The following RYK variants were observed in gnomAD, a reference collection of about 807,000 sequenced individuals.
The protein encoded by RYK is receptor like tyrosine kinase, also known as inactive tyrosine-protein kinase RYK.
RYK carries 21 observed loss-of-function variants against 70.2 expected under a neutral mutation model. The observed-to-expected ratio is 0.30, with a 90% CI of 0.21 to 0.43. RYK has a LOEUF of 0.43. RYK is among the 20% of genes least tolerant of loss of function. The probability of loss-of-function intolerance (pLI) is 1.00; values close to 1 mark genes in which losing one functional copy is unlikely to be tolerated. For synonymous variants in RYK, 267 were observed against 278.0 expected (o/e 0.96, Z 0.39); for missense variants, 604 against 753.3 (o/e 0.80, Z 2.32).
intron 9 of RYK, 73 bp downstream of exon 9, chr3:134,188,764 G>T: frequency 1.1e-6 from 1 of 870,118 alleles, no homozygotes; most frequent in Non-Finnish European, 1.8e-6. Flanking sequence ...GGGAAACTGA[G>T]ACAGAATTTT....
intron 2 of RYK, among the ~76,000 whole-genome samples, chr3:134,213,044 T>A (rs549347668): frequency 6.6e-6 from 1 of 152,296 alleles, no homozygotes; most frequent in African/African-American, 2.4e-5. Context: ...GGCTAGGAAG[T>A]GTTCACATTC....
chr3:134,212,631 C>T (rs953441050), intron 2 of RYK, among the ~76,000 whole-genome samples: 5 of 152,032 alleles, frequency 3.3e-5, no homozygotes, highest in Non-Finnish European at 7.4e-5. Context: ...GGGGGTGTTC[C>T]AAAGCTTTTC....
Position 134,165,694 on chromosome 3 carries a change from C to T in RYK, c.1576-6321G>A, listed in dbSNP as rs536608093. On this transcript the variant is annotated intron_variant, in intron 13 of 14. Coordinates refer to ENST00000623711, the MANE Select transcript of RYK (RefSeq NM_002958.4). ...CCCAGTGGACCTGAAAAGCAGAGTA[C>T]GAAGCCAAAGGGAATTATTCTTGAG... 1.1e-4 allele frequency among the ~76,000 whole-genome samples: 17 copies of T among 152,252 alleles called. No homozygotes were observed. In the South Asian group the frequency reaches 2.1e-3, roughly 19 times the overall value.
intron 1 of RYK, among the ~76,000 whole-genome samples, chr3:134,244,492 C>T (rs2015402926): frequency 6.6e-6 from 1 of 152,118 alleles, no homozygotes; most frequent in South Asian, 2.1e-4. Flanking sequence ...ACCTGGCCTT[C>T]TACTCACTGT....
intron 13 of RYK, among the ~76,000 whole-genome samples, chr3:134,165,735 T>C (rs1467444434): frequency 6.6e-6 from 1 of 152,228 alleles, no homozygotes; most frequent in Non-Finnish European, 1.5e-5. Flanking sequence ...AGGTTTAATA[T>C]TGTTTGTTCG....
rs2014064700 is a variant in RYK at position 134,202,724 on chromosome 3, C to T, written c.788+6G>A. 1.2e-6 allele frequency: 2 copies of T among 1,610,454 alleles called. No homozygotes were observed. Among genetic ancestry groups the T allele is most frequent in the Non-Finnish European group, 1.7e-6 (2 of 1,179,170 alleles). ...TTTTTTTTCTTTCCCAAAATATGTA[C>T]AATACCTGTCATCCAGTTCAATCCT... On this transcript the variant is annotated splice_donor_region_variant and intron_variant, in intron 6 of 14. Coordinates refer to ENST00000623711, the MANE Select transcript of RYK (RefSeq NM_002958.4).
chr3:134,211,851 T>C (rs116383127), intron 2 of RYK, among the ~76,000 whole-genome samples: 5,923 of 152,282 alleles, frequency 0.039, 167 homozygotes, highest in East Asian at 0.13. Context: ...CCATAAAACC[T>C]GCCATCTAGG....
chr3:134,193,717 C>T (rs187514576), intron 7 of RYK, among the ~76,000 whole-genome samples: 143 of 152,198 alleles, frequency 9.4e-4, no homozygotes, highest in African/African-American at 3.2e-3. Flanking sequence ...ATTATTATTT[C>T]CCTTAAATTT....
chr3:134,222,396 C>G (rs761714884), intron 2 of RYK, 22 bp downstream of exon 2: 1 of 1,612,104 alleles, frequency 6.2e-7, no homozygotes, highest in Non-Finnish European at 8.5e-7. Flanking sequence ...GTCATGATGT[C>G]TGTGGTTAGC....
intron 1 of RYK, among the ~76,000 whole-genome samples, chr3:134,230,870 T>C (rs538899600): frequency 1.3e-5 from 2 of 152,312 alleles, no homozygotes; most frequent in South Asian, 2.1e-4. Context: ...GAATTAACAC[T>C]CAATGGTTTT....
At chr3:134,159,103 G>A (rs549100650) in intron 14 of RYK, 134 bp downstream of exon 14, 2 of 956,102 alleles carry the variant, frequency 2.1e-6, no homozygotes, top group Admixed American at 4.2e-5. Flanking sequence ...TTTTATAAGA[G>A]TCTAATTTAA....
intron 6 of RYK, among the ~76,000 whole-genome samples, chr3:134,201,574 T>C (rs1483646246): frequency 2.6e-5 from 4 of 152,094 alleles, no homozygotes; most frequent in Admixed American, 2.0e-4. Flanking sequence ...TTGGGAGGCT[T>C]AGAAAAGACT....
chr3:134,240,053 T>A lies in RYK; in HGVS notation c.232+10370A>T, dbSNP rs144273405. Among the ~76,000 whole-genome samples, 172 of 152,032 alleles carry A rather than the reference T, an allele frequency of 1.1e-3. 1 individual carries two copies. Among genetic ancestry groups the A allele is most frequent in the African/African-American group, 3.5e-3 (146 of 41,450 alleles). Reference sequence around the variant, plus strand: ...GGATCCAGGTCGTAGGCAAGAAGAGTCTCTACATATACATTTACATATTTA... The same window carrying A: ...GGATCCAGGTCGTAGGCAAGAAGAGACTCTACATATACATTTACATATTTA... On this transcript the variant is annotated intron_variant, in intron 1 of 14. Transcript: ENST00000623711.
chr3:134,218,359 T>C (rs534595031), intron 2 of RYK, among the ~76,000 whole-genome samples: 1 of 152,258 alleles, frequency 6.6e-6, no homozygotes, highest in East Asian at 1.9e-4. Flanking sequence ...GGATACCCTT[T>C]AAGGTGCTCA....
intron 13 of RYK, among the ~76,000 whole-genome samples, chr3:134,171,373 G>A (rs544322207): frequency 2.0e-5 from 3 of 152,300 alleles, no homozygotes; most frequent in South Asian, 4.1e-4. Context: ...ATACCCAGCT[G>A]AAGAGACTCA....
At position 134,234,170 on chromosome 3, in the gene RYK, C is replaced by T. The variant is rs572927729; in HGVS notation, c.233-11631G>A. ...GTTTAAAGAAATATGCATACAGCTG[C>T]GACAACTCATTAATACAAAAATACA... On this transcript the variant is annotated intron_variant, in intron 1 of 14. Coordinates refer to ENST00000623711, the MANE Select transcript of RYK (RefSeq NM_002958.4). Among the ~76,000 whole-genome samples the T allele has an allele frequency of 1.4e-4, 21 of 151,994 alleles. 1 individual carries two copies. In the South Asian group the frequency reaches 3.3e-3, roughly 24 times the overall value.
chr3:134,160,997 G>C (rs906819044), intron 13 of RYK, among the ~76,000 whole-genome samples: 5 of 152,214 alleles, frequency 3.3e-5, no homozygotes, highest in Non-Finnish European at 5.9e-5. Flanking sequence ...TAAGATGTAT[G>C]AAAGCAGTTC....
rs1322312931 is a variant in RYK, at chr3:134,250,574, C to T, written c.81G>A (p.Pro27=). Residue 27 remains proline (P), a synonymous_variant, in exon 1 of 15, where the codon CCG becomes CCA. Coordinates refer to ENST00000623711, the MANE Select transcript of RYK (RefSeq NM_002958.4). ...ACAGCGCAAGCAGAAGCAGCAGCGG[C>T]GGCGGCGGCGGGGCCCTCAGGCCGC... ...GARGLRAPPP[P]PLLLLLALLP... is the part of the protein sequence containing the mutation. 1 of 1,063,630 alleles carries T rather than the reference C, an allele frequency of 9.4e-7. No homozygotes were observed. The highest frequency in any genetic ancestry group is 1.2e-6 in the Non-Finnish European group (1 of 856,812). The allele number at this position is 1,063,630 out of a possible 1,614,324, so 65.9% of individuals were successfully genotyped here.
At chr3:134,165,165 CTTT>C (rs1244353823) in intron 13 of RYK, among the ~76,000 whole-genome samples, 1 of 152,086 alleles carries the variant, frequency 6.6e-6, no homozygotes, top group Non-Finnish European at 1.5e-5. Flanking sequence ...TTCTTATAAA[CTTT>C]TTTAAAACTT....
Sources: allele counts gnomAD v4.1 joint callset (sites outside exome capture counted in the v4.1 genomes callset), GRCh38; gene constraint gnomAD v4.1.1; transcripts MANE v1.5; gene names NCBI Gene and HGNC (gene_info 2026-07-23, HGNC 2026-07-21).